The following FGD4 variants were observed in gnomAD, a reference collection of about 807,000 sequenced individuals.
FGD4 encodes the protein FYVE, RhoGEF and PH domain-containing protein 4.
Under a neutral mutation model 102.0 loss-of-function variants are expected in FGD4, and 42 were observed. That is an observed-to-expected ratio of 0.41 (90% CI 0.32 to 0.53). The LOEUF is 0.53. FGD4 is among the 20% of genes least tolerant of loss of function. The probability of loss-of-function intolerance (pLI) is 0.21; values close to 1 mark genes in which losing one functional copy is unlikely to be tolerated. For synonymous variants in FGD4, 380 were observed against 375.7 expected, an observed-to-expected ratio of 1.01 and a Z score of -0.13; for missense variants, 902 against 1,078.2, an observed-to-expected ratio of 0.84 and a Z score of 2.29.
At chr12:32,495,687 C>G (rs1433233417) in intron 1 of FGD4, among the ~76,000 whole-genome samples, 8 of 95,308 alleles carry the variant, frequency 8.4e-5, no homozygotes, top group African/African-American at 5.1e-4. Context: ...CAGAGAGAGA[C>G]TCTGTTTCAA....
intron 14 of FGD4, among the ~76,000 whole-genome samples, chr12:32,629,950 A>T (rs1245535074): frequency 6.6e-6 from 1 of 152,074 alleles, no homozygotes; most frequent in East Asian, 1.9e-4. Context: ...GTCTCTTCTC[A>T]TTGTGAGCTC....
At chr12:32,493,630 C>T (rs969690334) in intron 1 of FGD4, among the ~76,000 whole-genome samples, 4 of 152,158 alleles carry the variant, frequency 2.6e-5, no homozygotes, top group South Asian at 2.1e-4. Context: ...CATGCCTAGC[C>T]GTTTTTTATT....
At chr12:32,480,706 G>A (rs137886112) in intron 1 of FGD4, among the ~76,000 whole-genome samples, 4,983 of 149,752 alleles carry the variant, frequency 0.033, 173 homozygotes, top group East Asian at 0.13. Context: ...TCACCATGTT[G>A]GCCAGGATGC....
chr12:32,640,359 C>G lies in FGD4; in HGVS notation c.2538C>G (p.Phe846Leu), dbSNP rs1336663423. The change falls in exon 17 of 17, where the codon TTC becomes TTG. Residue 846 changes from phenylalanine to leucine, a missense_variant. By Grantham distance (22) the Phe-to-Leu change is conservative. Around this residue, in one of 2 missense-constraint regions of FGD4, gnomAD observed 459 missense variants for 619.0 expected, o/e 0.74. Transcript: ENST00000534526. ...MPRSADLPHS[F>L]KLTQSKSVHS... Reference sequence around the variant, plus strand: ...GGAGCGCAGACCTGCCACACAGTTTCAAACTGACCCAGTCTAAGTCCGTGC... The same window carrying G: ...GGAGCGCAGACCTGCCACACAGTTTGAAACTGACCCAGTCTAAGTCCGTGC... The G allele has an allele frequency of 1.4e-5, 22 of 1,614,090 alleles. No individual in the cohort carries two copies. The highest frequency in any genetic ancestry group is 1.7e-5 in the Non-Finnish European group (20 of 1,180,054).
chr12:32,507,264 A>G (rs1049389909), intron 1 of FGD4, among the ~76,000 whole-genome samples: 2 of 151,850 alleles, frequency 1.3e-5, no homozygotes, highest in Non-Finnish European at 2.9e-5. Context: ...TGAACTTGTC[A>G]TTTTTTATGG....
At chr12:32,464,179 A>G (rs1943188051) in intron 1 of FGD4, among the ~76,000 whole-genome samples, 1 of 152,034 alleles carries the variant, frequency 6.6e-6, no homozygotes, top group Non-Finnish European at 1.5e-5. Flanking sequence ...TTGAGACAGA[A>G]TCTCACTCTG....
intron 4 of FGD4, among the ~76,000 whole-genome samples, chr12:32,584,197 T>C (rs748465781): frequency 6.6e-6 from 1 of 152,194 alleles, no homozygotes; most frequent in Non-Finnish European, 1.5e-5. Flanking sequence ...AAAGCAAATT[T>C]TCTCTGCAGA....
chr12:32,521,681 TA>T (rs1261438529), intron 1 of FGD4, among the ~76,000 whole-genome samples: 1 of 152,240 alleles, frequency 6.6e-6, no homozygotes, highest in African/African-American at 2.4e-5. Context: ...GCATTTACTT[TA>T]AAAAATATTG....
At position 32,598,527 on chromosome 12, in the gene FGD4, G is replaced by A; in HGVS notation, c.1042G>A (p.Ala348Thr). The change falls in exon 5 of 17, where the codon GCC becomes ACC. Residue 348 changes from alanine (A) to threonine (T), a missense_variant. Physicochemically the swap from Ala to Thr is moderately conservative, Grantham distance 58 (BLOSUM62 0). This residue lies in a region of FGD4 where 443 missense variants were observed against 459.2 expected (regional missense o/e 0.96). Coordinates refer to ENST00000534526, the MANE Select transcript of FGD4 (RefSeq NM_001370298.3). ...ETNEQKLHKI[A>T]NELLLTERAY... ...TAATGAGCAAAAACTTCACAAAATA[G>A]CCAATGAACTTTTGCTTACTGAAAG... 2 of 1,613,444 alleles carry A rather than the reference G, an allele frequency of 1.2e-6. No homozygotes were observed. The highest frequency in any genetic ancestry group is 1.7e-6 in the Non-Finnish European group (2 of 1,179,790).
intron 1 of FGD4, among the ~76,000 whole-genome samples, chr12:32,448,592 G>T (rs1358746876): frequency 1.3e-5 from 2 of 151,856 alleles, no homozygotes; most frequent in African/African-American, 4.8e-5. Context: ...AGGAAGCAGA[G>T]GTTGCAGTGA....
At chr12:32,514,566 C>T (rs1468023088) in intron 1 of FGD4, among the ~76,000 whole-genome samples, 4 of 151,970 alleles carry the variant, frequency 2.6e-5, no homozygotes, top group Non-Finnish European at 4.4e-5. Flanking sequence ...GGCTGGAGTG[C>T]GGTGGCGTGA....
At chr12:32,497,460 T>C (rs1189939355) in intron 1 of FGD4, among the ~76,000 whole-genome samples, 1 of 152,192 alleles carries the variant, frequency 6.6e-6, no homozygotes, top group Non-Finnish European at 1.5e-5. Flanking sequence ...TCTAAGGAGA[T>C]ACCACCTCTT....
At chr12:32,419,777 G>C (rs185383647) in intron 1 of FGD4, among the ~76,000 whole-genome samples, 29 of 152,046 alleles carry the variant, frequency 1.9e-4, no homozygotes, top group Admixed American at 1.8e-3. Context: ...TCTGGCTAAG[G>C]CCAGTCCAAA....
At chr12:32,473,961 G>C (rs1220030452) in intron 1 of FGD4, among the ~76,000 whole-genome samples, 1 of 151,982 alleles carries the variant, frequency 6.6e-6, no homozygotes, top group Admixed American at 6.6e-5. Flanking sequence ...GGTGGTGGGC[G>C]CCTGTAGTCC....
At chr12:32,567,365 T>A (rs570504343) in intron 2 of FGD4, among the ~76,000 whole-genome samples, 1 of 152,204 alleles carries the variant, frequency 6.6e-6, no homozygotes, top group Non-Finnish European at 1.5e-5. Context: ...ACTCTTATTC[T>A]AGGTGAGTAG....
chr12:32,552,944 A>ATTTTTTT (rs71068326), intron 1 of FGD4, among the ~76,000 whole-genome samples: 7 of 123,898 alleles, frequency 5.6e-5, no homozygotes, highest in Admixed American at 8.4e-5. Context: ...CGCCTGGCTA[A>ATTTTTTT]TTTTTTTTTT....
At chr12:32,521,372 C>CAAAAAA (rs60786078) in intron 1 of FGD4, among the ~76,000 whole-genome samples, 6,124 of 93,386 alleles carry the variant, frequency 0.066, 236 homozygotes, top group Middle Eastern at 0.12. Flanking sequence ...GACTCCGTCT[C>CAAAAAA]AAAAAAAAAA....
At chr12:32,600,438 T>G in intron 5 of FGD4, 1 of 1,287,860 alleles carries the variant, frequency 7.8e-7, no homozygotes, top group Non-Finnish European at 1.0e-6. Context: ...ATTTAGAAAA[T>G]TAACAACCAT....
chr12:32,405,261 G>GTTTTT (rs11396808), intron 1 of FGD4, among the ~76,000 whole-genome samples: 6,219 of 108,554 alleles, frequency 0.057, 269 homozygotes, highest in South Asian at 0.084. Flanking sequence ...GCAGTCAGTG[G>GTTTTT]TTTTTTTTTT....
Sources: gnomAD v4.1 joint callset for allele counts (sites outside exome capture counted in the v4.1 genomes callset) on GRCh38, gnomAD v4.1.1 for gene constraint, gnomAD v4.1.1 regional missense constraint, MANE v1.5 for transcripts, NCBI Gene and HGNC (gene_info 2026-07-23, HGNC 2026-07-21) for gene names.